Variants in SCFD2 observed in about 807,000 individuals in gnomAD.
SCFD2 encodes the protein sec1 family domain containing 2, also known as sec1 family domain-containing protein 2.
A neutral mutation model predicts 58.9 loss-of-function variants in SCFD2; 54 were observed. The ratio of observed to expected loss-of-function variants is 0.92; its 90% CI spans 0.74 to 1.15. The LOEUF is 1.15. Ranked by LOEUF, SCFD2 falls within the 50% of genes most tolerant of loss-of-function variation. The pLI is 0.00. For synonymous variants in SCFD2, 321 were observed against 335.9 expected (o/e 0.96, Z 0.49); for missense variants, 805 against 836.6 (o/e 0.96, Z 0.47).
chr4:53,117,862 C>G (rs1725369978), intron 5 of SCFD2, among the ~76,000 whole-genome samples: 1 of 152,130 alleles, frequency 6.6e-6, no homozygotes, highest in African/African-American at 2.4e-5. Flanking sequence ...CGGTAATCAG[C>G]TAGATTCATT....
chr4:53,166,502 T>C (rs1029289946), intron 4 of SCFD2, among the ~76,000 whole-genome samples: 9 of 151,976 alleles, frequency 5.9e-5, no homozygotes, highest in Admixed American at 1.3e-4. Context: ...AGGAGGTACA[T>C]AGAGAGATTG....
At chr4:52,976,534 G>A (rs1442579319) in intron 5 of SCFD2, among the ~76,000 whole-genome samples, 3 of 152,146 alleles carry the variant, frequency 2.0e-5, no homozygotes, top group Non-Finnish European at 4.4e-5. Context: ...GGAGAGGAAG[G>A]GGAGCAGCAG....
At chr4:53,132,025 T>G (rs1401222803) in intron 5 of SCFD2, among the ~76,000 whole-genome samples, 3 of 152,202 alleles carry the variant, frequency 2.0e-5, no homozygotes, top group Non-Finnish European at 4.4e-5. Context: ...TAGAAGAAGA[T>G]TCATTCCAGT....
chr4:53,346,197 G>A (rs891919621), intron 2 of SCFD2, among the ~76,000 whole-genome samples: 6 of 151,636 alleles, frequency 4.0e-5, no homozygotes, highest in Non-Finnish European at 7.4e-5. Context: ...GACAATGACT[G>A]AAGTACTAAA....
intron 2 of SCFD2, among the ~76,000 whole-genome samples, chr4:53,335,092 T>C (rs1733633821): frequency 6.7e-6 from 1 of 148,416 alleles, no homozygotes; most frequent in Non-Finnish European, 1.5e-5. Flanking sequence ...AGTTACTCAA[T>C]GACTGAGGCT....
chr4:53,344,100 G>A lies in SCFD2; in HGVS notation c.1007+8498C>T, dbSNP rs568337401. On this transcript the variant is annotated intron_variant, in intron 2 of 8. Coordinates refer to ENST00000401642, the MANE Select transcript of SCFD2 (RefSeq NM_152540.4). ...CATAGTGTTGGAAGTTCTGGCCAGG[G>A]CAATCACGCAGGTGAAAGAAATAAA... Among the ~76,000 whole-genome samples, 62 of 151,806 alleles carry A rather than the reference G, an allele frequency of 4.1e-4. 1 individual carries two copies. The highest frequency in any genetic ancestry group is 6.0e-4 in the Non-Finnish European group (41 of 67,950).
intron 2 of SCFD2, among the ~76,000 whole-genome samples, 183 bp from the exon 3 acceptor site, chr4:53,313,946 G>A (rs532514304): frequency 3.3e-5 from 5 of 152,076 alleles, no homozygotes; most frequent in Non-Finnish European, 5.9e-5. Flanking sequence ...AAAATATTGA[G>A]AAATTAAGGA....
chr4:53,026,433 A>C (rs531504784), intron 5 of SCFD2, among the ~76,000 whole-genome samples: 1 of 152,348 alleles, frequency 6.6e-6, no homozygotes, highest in Admixed American at 6.5e-5. Context: ...CAGATGACTT[A>C]ACATGAGATA....
chr4:53,231,382 C>T (rs996628068), intron 4 of SCFD2, among the ~76,000 whole-genome samples: 1 of 152,092 alleles, frequency 6.6e-6, no homozygotes, highest in Admixed American at 6.6e-5. Flanking sequence ...TAATAGGTGG[C>T]TCGATAAATA....
chr4:53,212,045 T>C (rs767193073), intron 4 of SCFD2, among the ~76,000 whole-genome samples: 9 of 152,088 alleles, frequency 5.9e-5, no homozygotes, highest in East Asian at 5.8e-4. Flanking sequence ...TCTTCCCTTC[T>C]TCAGTTACCT....
intron 5 of SCFD2, among the ~76,000 whole-genome samples, chr4:52,971,129 C>A (rs529281240): frequency 1.3e-5 from 2 of 152,190 alleles, no homozygotes; most frequent in African/African-American, 4.8e-5. Flanking sequence ...TCCAAAGGAA[C>A]CCAGCTCCTC....
chr4:53,098,132 G>A (rs1395515508), intron 5 of SCFD2, among the ~76,000 whole-genome samples: 1 of 152,080 alleles, frequency 6.6e-6, no homozygotes. Context: ...ATTTTATTGA[G>A]GATTTTTGCA....
chr4:53,199,284 A>G lies in SCFD2; in HGVS notation c.1312-53702T>C, dbSNP rs571213313. ...ATCTGTAGTCAGAAAGCACCCTGAC[A>G]TACTACATAAAATGCTTGCTTATTT... On this transcript the variant is annotated intron_variant, in intron 4 of 8. Transcript: ENST00000401642. 2.0e-5 allele frequency among the ~76,000 whole-genome samples: 3 copies of G among 152,248 alleles called. No homozygotes were observed. The South Asian group carries it at 6.2e-4, about 32-fold the overall frequency.
At chr4:53,298,951 A>C (rs1490721858) in intron 3 of SCFD2, among the ~76,000 whole-genome samples, 2 of 152,188 alleles carry the variant, frequency 1.3e-5, no homozygotes, top group East Asian at 3.9e-4. Context: ...CTGTACGTCA[A>C]CATCATCAAA....
chr4:53,159,517 G>T (rs1384943865), intron 4 of SCFD2, among the ~76,000 whole-genome samples: 1 of 152,166 alleles, frequency 6.6e-6, no homozygotes. Context: ...AAGGGACCCA[G>T]CTTATAAGAC....
intron 4 of SCFD2, among the ~76,000 whole-genome samples, chr4:53,177,884 C>A (rs1446299214): frequency 6.6e-6 from 1 of 152,032 alleles, no homozygotes; most frequent in African/African-American, 2.4e-5. Flanking sequence ...GGGTCCTACG[C>A]CCACAGAGTC....
chr4:52,905,320 C>T lies in SCFD2; in HGVS notation c.1842+2137G>A, dbSNP rs147746280. On this transcript the variant is annotated intron_variant, in intron 7 of 8. Transcript: ENST00000401642. ...AATTTTGTTCAAACCCCAACACATACGCCAGAGGTAACTCTTTGCTCTACT... is the reference window on the plus strand; with the variant it reads ...AATTTTGTTCAAACCCCAACACATATGCCAGAGGTAACTCTTTGCTCTACT... Among the ~76,000 whole-genome samples the T allele has an allele frequency of 9.5e-4, 144 of 152,324 alleles. 1 individual carries two copies. The highest frequency in any genetic ancestry group is 4.7e-3 in the Admixed American group (72 of 15,300).
At position 52,876,810 on chromosome 4, in the gene SCFD2, T is replaced by C. The variant is rs76154864; in HGVS notation, c.1963-2749A>G. 1.6e-3 allele frequency among the ~76,000 whole-genome samples: 222 copies of C among 140,876 alleles called. 4 individuals are homozygous for C. The East Asian group carries it at 0.039, about 24-fold the overall frequency. The allele number at this position is 140,876 out of a possible 152,430, so 92.4% of individuals were successfully genotyped here. ...GCCCTTCTTCAGAAATCTTTTTAAATGTACACCTAAAGACAAACACTGGGC... is the reference window on the plus strand; with the variant it reads ...GCCCTTCTTCAGAAATCTTTTTAAACGTACACCTAAAGACAAACACTGGGC... On this transcript the variant is annotated intron_variant, in intron 8 of 8. Coordinates refer to ENST00000401642, the MANE Select transcript of SCFD2 (RefSeq NM_152540.4).
At chr4:53,088,222 T>C (rs889161317) in intron 5 of SCFD2, among the ~76,000 whole-genome samples, 1 of 152,162 alleles carries the variant, frequency 6.6e-6, no homozygotes, top group African/African-American at 2.4e-5. Flanking sequence ...TCTAAGACAA[T>C]GGAAGAATGA....
Sources: allele counts gnomAD v4.1 joint callset (sites outside exome capture counted in the v4.1 genomes callset), GRCh38; gene constraint gnomAD v4.1.1; transcripts MANE v1.5; gene names NCBI Gene and HGNC (gene_info 2026-07-23, HGNC 2026-07-21).